The following MALRD1 variants were observed in gnomAD, a reference collection of about 807,000 sequenced individuals.
MALRD1 encodes MAM and LDL receptor class A domain containing 1, also known as MAM and LDL-receptor class A domain-containing protein 1.
In MALRD1, 247 loss-of-function variants were observed where a neutral mutation model predicts 242.1. That is an observed-to-expected ratio of 1.02 (90% CI 0.92 to 1.13). MALRD1 has a LOEUF of 1.13. Among genes scored for constraint, MALRD1 ranks in the 50% most tolerant of loss-of-function variants. The pLI, the probability that MALRD1 is intolerant of heterozygous loss-of-function variation, is 0.00. For synonymous variants in MALRD1, 995 were observed against 866.6 expected (o/e 1.15, Z -2.60); for missense variants, 2,989 against 2,533.1 (o/e 1.18, Z -3.86).
In MALRD1 at chr10:19,498,569, CTG is replaced by C. The variant is rs1209215562; in HGVS notation, c.5244_5245del (p.Glu1749GlyfsTer2). 1.3e-6 allele frequency: 2 copies of C among 1,550,302 alleles called. No homozygotes were observed. The highest frequency in any genetic ancestry group is 3.9e-5 in the Admixed American group (2 of 50,960). On this transcript the variant is annotated frameshift_variant, in exon 31 of 40. Transcript: ENST00000454679. LOFTEE classifies it high-confidence loss of function. ...ACAGCCTGCAGTCTTACTCAAGACT[CTG>C]AGGATGACTTGGACTGGGCCATTGG...
intron 29 of MALRD1, among the ~76,000 whole-genome samples, chr10:19,479,211 A>G (rs1836879218): frequency 6.6e-6 from 1 of 152,200 alleles, no homozygotes; most frequent in East Asian, 1.9e-4. Flanking sequence ...GGGCAAGTTT[A>G]GTTTATCTGT....
intron 21 of MALRD1, among the ~76,000 whole-genome samples, chr10:19,315,785 T>C (rs867065774): frequency 5.7e-4 from 81 of 143,196 alleles, no homozygotes; most frequent in Middle Eastern, 9.4e-3. Flanking sequence ...ATGTATGTAT[T>C]ATATAATTTA....
intron 38 of MALRD1, among the ~76,000 whole-genome samples, chr10:19,704,850 A>G (rs563662069): frequency 1.3e-5 from 2 of 152,268 alleles, no homozygotes; most frequent in East Asian, 1.9e-4. Context: ...TATATTTCTG[A>G]TAAGGAAAGA....
intron 21 of MALRD1, among the ~76,000 whole-genome samples, chr10:19,320,201 C>T (rs778211698): frequency 1.3e-5 from 2 of 151,736 alleles, no homozygotes; most frequent in Non-Finnish European, 1.5e-5. Flanking sequence ...AGGTGTTTGT[C>T]GTGATGCTCT....
chr10:19,178,505 C>CT (rs150376366), intron 14 of MALRD1, among the ~76,000 whole-genome samples: 2,170 of 152,294 alleles, frequency 0.014, 42 homozygotes, highest in African/African-American at 0.05. Flanking sequence ...GTTTTGAAAT[C>CT]TTTAACAGGC....
At chr10:19,716,891 C>G (rs1834416919) in intron 38 of MALRD1, 1 of 152,150 alleles carries the variant, frequency 6.6e-6, no homozygotes, top group South Asian at 2.1e-4. Context: ...CCATTTCATT[C>G]TGCAATATAG....
At chr10:19,730,429 A>T (rs899133403) in intron 38 of MALRD1, 19 of 455,510 alleles carry the variant, frequency 4.2e-5, no homozygotes, top group Admixed American at 3.7e-4. Flanking sequence ...AATCAACATT[A>T]AGACTAACTT....
intron 36 of MALRD1, among the ~76,000 whole-genome samples, chr10:19,621,811 A>G (rs1839414879): frequency 6.6e-6 from 1 of 151,848 alleles, no homozygotes; most frequent in African/African-American, 2.4e-5. Flanking sequence ...AGAAACGGAA[A>G]AAAATTTTTC....
chr10:19,088,315 A>T (rs185388917), intron 4 of MALRD1, 130 bp downstream of exon 4: 1 of 829,266 alleles, frequency 1.2e-6, no homozygotes, highest in East Asian at 3.4e-5. Flanking sequence ...AGGACTTTCA[A>T]ATGCTGAAAG....
intron 14 of MALRD1, among the ~76,000 whole-genome samples, chr10:19,179,553 G>A (rs1024357007): frequency 6.6e-6 from 1 of 152,092 alleles, no homozygotes; most frequent in Non-Finnish European, 1.5e-5. Flanking sequence ...AGGAGGTGCA[G>A]GTTGCAGTGA....
At chr10:19,088,593 T>TTTTTTTTA (rs1835770373) in intron 4 of MALRD1, among the ~76,000 whole-genome samples, 1 of 85,764 alleles carries the variant, frequency 1.2e-5, no homozygotes, top group Non-Finnish European at 2.1e-5. Flanking sequence ...TTATTTATTT[T>TTTTTTTTA]TTTTTATTAT....
At chr10:19,569,713 T>G (rs1051309879) in intron 33 of MALRD1, among the ~76,000 whole-genome samples, 3 of 147,244 alleles carry the variant, frequency 2.0e-5, no homozygotes, top group African/African-American at 7.4e-5. Context: ...ATATTATATA[T>G]TAGTAACTTA....
intron 21 of MALRD1, among the ~76,000 whole-genome samples, chr10:19,297,833 A>G (rs1326287655): frequency 1.3e-5 from 2 of 151,772 alleles, no homozygotes; most frequent in African/African-American, 2.4e-5. Flanking sequence ...CCAGAAAGGG[A>G]AAAAAAAGGC....
chr10:19,645,921 T>A (rs902648183), intron 36 of MALRD1, among the ~76,000 whole-genome samples: 1 of 152,198 alleles, frequency 6.6e-6, no homozygotes, highest in African/African-American at 2.4e-5. Context: ...TATTTTTTTT[T>A]ATTTTTAAAT....
At chr10:19,281,963 C>CAAAAA (rs149370838) in intron 20 of MALRD1, among the ~76,000 whole-genome samples, 1 of 79,838 alleles carries the variant, frequency 1.3e-5, no homozygotes, top group Non-Finnish European at 2.3e-5. Context: ...ACGATGTCTC[C>CAAAAA]AAAAAAAAAA....
chr10:19,393,130 T>G (rs1846408298), intron 28 of MALRD1, among the ~76,000 whole-genome samples: 1 of 152,220 alleles, frequency 6.6e-6, no homozygotes, highest in African/African-American at 2.4e-5. Context: ...AGGAGTAGGT[T>G]TGGCTGTTAA....
intron 36 of MALRD1, among the ~76,000 whole-genome samples, chr10:19,646,607 G>GA (rs11356176): frequency 9.5e-4 from 136 of 142,480 alleles, no homozygotes; most frequent in Non-Finnish European, 1.1e-3. Context: ...TGTGTCTCAA[G>GA]AAAAAAAAAA....
intron 21 of MALRD1, among the ~76,000 whole-genome samples, chr10:19,293,484 C>T (rs1169507676): frequency 1.3e-5 from 2 of 152,078 alleles, no homozygotes; most frequent in Non-Finnish European, 2.9e-5. Context: ...TCATATATAT[C>T]AGTAATTTGT....
At chr10:19,453,229 A>T (rs538178994) in intron 29 of MALRD1, among the ~76,000 whole-genome samples, 3 of 152,090 alleles carry the variant, frequency 2.0e-5, no homozygotes, top group African/African-American at 7.2e-5. Context: ...AAATGACTGA[A>T]TGTTTATTTC....
Sources: allele counts gnomAD v4.1 joint callset (sites outside exome capture counted in the v4.1 genomes callset), GRCh38; gene constraint gnomAD v4.1.1; transcripts MANE v1.5; gene names NCBI Gene and HGNC (gene_info 2026-07-23, HGNC 2026-07-21).